The following LAMA3 variants were observed in gnomAD, a reference collection of about 807,000 sequenced individuals.
LAMA3 encodes laminin subunit alpha 3, also known as laminin subunit alpha-3.
In LAMA3, 281 loss-of-function variants were observed where a neutral mutation model predicts 402.0. The observed-to-expected ratio is 0.70, with a 90% CI of 0.63 to 0.77. LAMA3 has a LOEUF of 0.77. Ranked by LOEUF, LAMA3 falls within the 30% of genes least tolerant of loss-of-function variation. The pLI, the probability that LAMA3 is intolerant of heterozygous loss-of-function variation, is 0.00. For missense variants in LAMA3, 3,840 were observed against 4,215.5 expected (o/e 0.91, Z 2.47); for synonymous variants, 1,431 against 1,558.4 (o/e 0.92, Z 1.93).
chr18:23,759,330 CA>C (rs34457452), intron 7 of LAMA3, among the ~76,000 whole-genome samples: 78,797 of 112,556 alleles, frequency 0.7, 25,170 homozygotes, highest in Middle Eastern at 0.8. Flanking sequence ...AAGATCCTGT[CA>C]AAAAAAAAAA....
At position 23,861,769 on chromosome 18, in the gene LAMA3, G is replaced by T; in HGVS notation, c.4546G>T (p.Ala1516Ser). The change falls in exon 35 of 75, where the codon GCG (alanine) becomes TCG (serine). Residue 1516 changes from alanine (A) to serine (S), a missense_variant. Ala to Ser is a moderately conservative substitution (Grantham distance 99). Transcript: ENST00000313654. ...LQELPATIHSASWVAPTSYLG... is the reference protein window; with the variant it reads ...LQELPATIHSSSWVAPTSYLG... The stretch of plus-strand genomic sequence containing the variant: ...GGAGCTGCCCGCAACCATCCACAGC[G>T]CGTCCTGGGTCGCACCCACCTCCTA... 6.2e-7 allele frequency: 1 copy of T among 1,613,710 alleles called. No individual in the cohort carries two copies. The highest frequency in any genetic ancestry group is 8.5e-7 in the Non-Finnish European group (1 of 1,179,830).
At chr18:23,798,152 T>C (rs761315847) in intron 12 of LAMA3, among the ~76,000 whole-genome samples, 31 of 152,144 alleles carry the variant, frequency 2.0e-4, no homozygotes, top group Non-Finnish European at 3.8e-4. Context: ...TTTTCCTCCT[T>C]TCTATTCCCC....
chr18:23,903,884 A>G (rs770249706), intron 49 of LAMA3, 49 bp from the exon 50 acceptor site: 2 of 1,469,232 alleles, frequency 1.4e-6, no homozygotes, highest in South Asian at 2.3e-5. Context: ...ATCAGCACCT[A>G]CATTCTTTCC....
chr18:23,821,056 C>T (rs1223867480), intron 19 of LAMA3, among the ~76,000 whole-genome samples: 1 of 152,142 alleles, frequency 6.6e-6, no homozygotes, highest in Non-Finnish European at 1.5e-5. Context: ...CAGTAAATTC[C>T]ATTGTGTCAT....
intron 23 of LAMA3, 50 bp from the exon 24 acceptor site, chr18:23,833,778 T>C: frequency 1.9e-6 from 3 of 1,607,084 alleles, no homozygotes; most frequent in Non-Finnish European, 2.6e-6. Context: ...AAGTGTGGCC[T>C]GTACATGTCA....
chr18:23,815,397 GT>G, intron 16 of LAMA3, 70 bp from the exon 17 acceptor site: 1 of 1,443,606 alleles, frequency 6.9e-7, no homozygotes, highest in East Asian at 2.3e-5. Context: ...CAGTGAGGCA[GT>G]TTTCAATCTT....
At chr18:23,769,978 T>C (rs2062159662) in intron 8 of LAMA3, among the ~76,000 whole-genome samples, 1 of 152,110 alleles carries the variant, frequency 6.6e-6, no homozygotes. Flanking sequence ...AAAGTAAACT[T>C]TAAGACAAAG....
chr18:23,954,426 C>G, intron 74 of LAMA3, 77 bp from the exon 75 acceptor site: 6 of 802,544 alleles, frequency 7.5e-6, no homozygotes, highest in African/African-American at 1.8e-5. Flanking sequence ...AAAAAAAATA[C>G]TATCTTTTAA....
At chr18:23,804,343 C>T (rs1202966064) in intron 12 of LAMA3, among the ~76,000 whole-genome samples, 1 of 152,186 alleles carries the variant, frequency 6.6e-6, no homozygotes, top group Non-Finnish European at 1.5e-5. Flanking sequence ...TACACAGCAG[C>T]CTGGACCTGC....
At chr18:23,737,442 C>T (rs1392628270) in intron 2 of LAMA3, among the ~76,000 whole-genome samples, 3 of 152,158 alleles carry the variant, frequency 2.0e-5, no homozygotes, top group Non-Finnish European at 2.9e-5. Flanking sequence ...CCCTGCCCTG[C>T]GATGTCACTC....
Position 23,867,841 on chromosome 18 carries a change from A to T in LAMA3, c.4691A>T (p.His1564Leu). The T allele has an allele frequency of 6.2e-7, 1 of 1,613,860 alleles. No individual in the cohort carries two copies. Among genetic ancestry groups the T allele is most frequent in the Non-Finnish European group, 8.5e-7 (1 of 1,179,748 alleles). Residue 1564 changes from histidine (H) to leucine (L), a missense_variant, in exon 37 of 75, where the codon CAC (histidine) becomes CTC (leucine). By Grantham distance (99) the His-to-Leu change is moderately conservative (BLOSUM62 -3). Around this residue, in one of 3 missense-constraint regions of LAMA3, gnomAD observed 2,109 missense variants for 2,376.0 expected, o/e 0.89. Transcript: ENST00000313654. ...KKPDVQLTGQ[H>L]MSIIYEETNT... The stretch of plus-strand genomic sequence containing the variant: ...ATGGTTTTCTTTAAACAGGGTCAGC[A>T]CATGTCCATCATCTATGAGGAGACA...
chr18:23,763,901 C>G (rs996806723), intron 8 of LAMA3, among the ~76,000 whole-genome samples: 1 of 152,078 alleles, frequency 6.6e-6, no homozygotes, highest in South Asian at 2.1e-4. Flanking sequence ...GATTCTGAGT[C>G]TAGACTCAGT....
intron 2 of LAMA3, among the ~76,000 whole-genome samples, chr18:23,738,552 C>T (rs2061514437): frequency 6.6e-6 from 1 of 152,072 alleles, no homozygotes; most frequent in Non-Finnish European, 1.5e-5. Flanking sequence ...GAGAATCAGG[C>T]CCAGAAAATG....
At chr18:23,892,527 G>T (rs770933074) in intron 42 of LAMA3, among the ~76,000 whole-genome samples, 1 of 152,092 alleles carries the variant, frequency 6.6e-6, no homozygotes, top group African/African-American at 2.4e-5. Flanking sequence ...GTTGAAAATT[G>T]TCAAGGAAAC....
Position 23,810,443 on chromosome 18 carries a change from G to A in LAMA3, c.1681G>A (p.Val561Ile). 1.2e-6 allele frequency: 2 copies of A among 1,614,196 alleles called. No homozygotes were observed. Among genetic ancestry groups the A allele is most frequent in the South Asian group, 1.1e-5 (1 of 91,072 alleles). Residue 561 changes from valine to isoleucine, a missense_variant, in exon 13 of 75, where the codon GTT becomes ATT. Val to Ile is a conservative substitution (Grantham distance 29). This residue lies in a region of LAMA3 where 2,109 missense variants were observed against 2,376.0 expected (regional missense o/e 0.89). Transcript: ENST00000313654. ...VTGQCECRPG[V>I]TGQRCDRCLS... ...TGGACAGTGTGAATGTCGGCCAGGA[G>A]TTACAGGACAGCGGTGTGACAGGTG...
chr18:23,841,110 C>T (rs1365375630), intron 27 of LAMA3, among the ~76,000 whole-genome samples: 1 of 152,062 alleles, frequency 6.6e-6, no homozygotes, highest in African/African-American at 2.4e-5. Context: ...AAATAAAATC[C>T]CATATGGGAA....
intron 1 of LAMA3, among the ~76,000 whole-genome samples, chr18:23,700,084 A>C (rs1418384439): frequency 6.6e-6 from 1 of 152,030 alleles, no homozygotes; most frequent in Admixed American, 6.6e-5. Flanking sequence ...AAAATATTTT[A>C]TTTATCCTTA....
chr18:23,919,241 CCT>C (rs1022527995), intron 60 of LAMA3, among the ~76,000 whole-genome samples: 3 of 152,162 alleles, frequency 2.0e-5, no homozygotes, highest in African/African-American at 7.2e-5. Context: ...GACTGATTTT[CCT>C]CTTAGAAAAG....
At chr18:23,814,111 C>T (rs2063130722) in intron 14 of LAMA3, among the ~76,000 whole-genome samples, 1 of 152,218 alleles carries the variant, frequency 6.6e-6, no homozygotes, top group Non-Finnish European at 1.5e-5. Flanking sequence ...ACAGTATCAA[C>T]AGACACTGAC....
Sources: allele counts gnomAD v4.1 joint callset (sites outside exome capture counted in the v4.1 genomes callset), GRCh38; gene constraint gnomAD v4.1.1; regional missense constraint gnomAD v4.1.1; transcripts MANE v1.5; gene names NCBI Gene and HGNC (gene_info 2026-07-23, HGNC 2026-07-21).